Variants in CALN1 observed in about 807,000 individuals in gnomAD.
CALN1 encodes the protein calneuron 1, also known as calcium-binding protein 8.
In CALN1, 17 loss-of-function variants were observed where a neutral mutation model predicts 30.6. That is an observed-to-expected ratio of 0.56 (90% CI 0.38 to 0.83). CALN1 has a LOEUF of 0.83. Among genes scored for constraint, CALN1 ranks in the 40% least tolerant of loss-of-function variants. CALN1 has a pLI of 0.00. For synonymous variants in CALN1, 156 were observed against 131.4 expected, an observed-to-expected ratio of 1.19 and a Z score of -1.28; for missense variants, 291 against 354.9, an observed-to-expected ratio of 0.82 and a Z score of 1.45.
intron 3 of CALN1, among the ~76,000 whole-genome samples, chr7:72,234,866 T>C (rs1231481558): frequency 6.6e-6 from 1 of 152,192 alleles, no homozygotes; most frequent in Non-Finnish European, 1.5e-5. Flanking sequence ...TAATTATGGG[T>C]GGAAAGCAAT....
chr7:72,260,967 G>A (rs1170183233), intron 3 of CALN1, among the ~76,000 whole-genome samples: 1 of 152,102 alleles, frequency 6.6e-6, no homozygotes, highest in Non-Finnish European at 1.5e-5. Context: ...CACTGGATAC[G>A]AGCAGAGTAA....
intron 4 of CALN1, among the ~76,000 whole-genome samples, chr7:72,033,742 A>C (rs1292378261): frequency 3.3e-5 from 5 of 152,160 alleles, no homozygotes; most frequent in Non-Finnish European, 7.4e-5. Context: ...AGGCAGGCTG[A>C]GGGGCTCATC....
At chr7:72,415,900 C>G (rs755043623), upstream of CALN1, among the ~76,000 whole-genome samples, 7 of 152,204 alleles carry the variant, frequency 4.6e-5, no homozygotes, top group African/African-American at 7.2e-5. Context: ...GTGCCTGAGT[C>G]TGATCTGTTC....
rs1184592357 is a variant in CALN1 at position 72,334,250 on chromosome 7, T to TGC, written c.120-55442_120-55441dup. On this transcript the variant is annotated intron_variant, in intron 2 of 6. Transcript: ENST00000395275. ...GAATTTCTCTCGTAATGAGAACCAG[T>TGC]GCCCCCTTCTGACAACCAGCAAACA... 2.6e-5 allele frequency among the ~76,000 whole-genome samples: 4 copies of TGC among 152,268 alleles called. No homozygotes were observed. The East Asian group carries it at 7.7e-4, about 29-fold the overall frequency.
Position 72,070,126 on chromosome 7 carries a change from C to T in CALN1, c.388+36025G>A, listed in dbSNP as rs180712684. 9.0e-4 allele frequency among the ~76,000 whole-genome samples: 137 copies of T among 152,310 alleles called. No homozygotes were observed. The Middle Eastern group carries it at 0.017, about 19-fold the overall frequency. ...TAATTGCTTTAGGAAAAATCCTTGTCACTGCAAAGAAAACAGCCTCTCTGT... is the reference window on the plus strand; with the variant it reads ...TAATTGCTTTAGGAAAAATCCTTGTTACTGCAAAGAAAACAGCCTCTCTGT... On this transcript the variant is annotated intron_variant, in intron 4 of 6. Coordinates refer to ENST00000395275, the MANE Select transcript of CALN1 (RefSeq NM_031468.4).
At chr7:71,847,502 ACC>A (rs1156355192) in intron 5 of CALN1, among the ~76,000 whole-genome samples, 5 of 151,180 alleles carry the variant, frequency 3.3e-5, no homozygotes, top group African/African-American at 1.2e-4. Flanking sequence ...CAAAACCAAA[ACC>A]AAAACCAAAA....
chr7:72,383,918 AT>A (rs1805057962), intron 2 of CALN1, among the ~76,000 whole-genome samples: 1 of 152,190 alleles, frequency 6.6e-6, no homozygotes, highest in Admixed American at 6.5e-5. Context: ...TTACATAGGG[AT>A]ACATGTTGAC....
intron 3 of CALN1, among the ~76,000 whole-genome samples, chr7:72,200,166 G>A (rs1057028960): frequency 1.3e-5 from 2 of 152,216 alleles, no homozygotes; most frequent in African/African-American, 2.4e-5. Flanking sequence ...ATGAAATTGG[G>A]GGGAGTGGAG....
rs533973340 is a variant in CALN1, at chr7:72,219,841, T to C, written c.244+58845A>G. 1.2e-4 allele frequency among the ~76,000 whole-genome samples: 18 copies of C among 152,128 alleles called. No homozygotes were observed. In the South Asian group the frequency reaches 2.9e-3, roughly 25 times the overall value. On this transcript the variant is annotated intron_variant, in intron 3 of 6. Coordinates refer to ENST00000395275, the MANE Select transcript of CALN1 (RefSeq NM_031468.4). ...ATGGCTGAACTGTCAATAGGGTCAG[T>C]TCAAGAGACAAAATCCTGGAATGAA...
chr7:72,291,706 G>T (rs1398581805), intron 2 of CALN1, among the ~76,000 whole-genome samples: 1 of 151,976 alleles, frequency 6.6e-6, no homozygotes, highest in Non-Finnish European at 1.5e-5. Context: ...TCCACCTCCC[G>T]GGTTCAAGTG....
intron 3 of CALN1, among the ~76,000 whole-genome samples, chr7:72,203,809 A>G (rs552902036): frequency 6.6e-6 from 1 of 152,208 alleles, no homozygotes; most frequent in South Asian, 2.1e-4. Flanking sequence ...ATTGTTTAAT[A>G]ACATTTTTTT....
intron 4 of CALN1, among the ~76,000 whole-genome samples, chr7:72,093,123 A>T (rs911040487): frequency 2.0e-5 from 3 of 152,200 alleles, no homozygotes; most frequent in African/African-American, 7.2e-5. Context: ...CAATATATTT[A>T]AAAAATTCTT....
At chr7:72,234,061 C>G (rs1224095946) in intron 3 of CALN1, among the ~76,000 whole-genome samples, 1 of 151,838 alleles carries the variant, frequency 6.6e-6, no homozygotes. Flanking sequence ...AAAAGAGAAA[C>G]AAAGAGGAAA....
rs199622934 is a variant in CALN1 at position 72,401,884 on chromosome 7, T to TAC, written c.119+1365_119+1366dup. 6.3e-3 allele frequency among the ~76,000 whole-genome samples: 965 copies of TAC among 152,270 alleles called. 8 individuals are homozygous for TAC. Among genetic ancestry groups the TAC allele is most frequent in the South Asian group, 0.031 (149 of 4,816 alleles). The stretch of plus-strand genomic sequence containing the variant: ...CAAAATGTTTCTCTTACTCAATTCT[T>TAC]ACCTCCTTTTCTCAACATGCCCCAC... On this transcript the variant is annotated intron_variant, in intron 2 of 6. Transcript: ENST00000395275.
intron 4 of CALN1, among the ~76,000 whole-genome samples, chr7:72,067,477 T>G (rs1171069992): frequency 6.6e-6 from 1 of 152,114 alleles, no homozygotes; most frequent in African/African-American, 2.4e-5. Context: ...CTCAAACTCC[T>G]GGCCTCAAAT....
chr7:72,035,931 T>C (rs1801769183), intron 4 of CALN1, among the ~76,000 whole-genome samples: 1 of 152,230 alleles, frequency 6.6e-6, no homozygotes. Flanking sequence ...TGCACCTTTA[T>C]TGTGATCTTT....
chr7:72,339,651 AAAGAGGTTT>A (rs1168037829), intron 2 of CALN1, among the ~76,000 whole-genome samples: 1 of 152,244 alleles, frequency 6.6e-6, no homozygotes, highest in East Asian at 1.9e-4. Context: ...TATACAAAGG[AAAGAGGTTT>A]AATGGACTCA....
At chr7:72,299,712 A>T (rs1225273423) in intron 2 of CALN1, among the ~76,000 whole-genome samples, 2 of 142,782 alleles carry the variant, frequency 1.4e-5, no homozygotes, top group African/African-American at 5.3e-5. Flanking sequence ...TTTTTTTTTA[A>T]AAAGAGAGAC....
chr7:72,346,242 T>C lies in CALN1; in HGVS notation c.119+57009A>G, dbSNP rs181682219. 5.0e-3 allele frequency among the ~76,000 whole-genome samples: 755 copies of C among 152,322 alleles called. 4 individuals carry two copies. Among genetic ancestry groups the C allele is most frequent in the Non-Finnish European group, 8.7e-3 (594 of 68,020 alleles). ...ACATCAAACAGTTCCAAAAGGTCAA[T>C]TGCGCAAAATGGTGTTCTCTCTTTC... On this transcript the variant is annotated intron_variant, in intron 2 of 6. Transcript: ENST00000395275.
Sources: allele counts gnomAD v4.1 joint callset (sites outside exome capture counted in the v4.1 genomes callset), GRCh38; gene constraint gnomAD v4.1.1; transcripts MANE v1.5; gene names NCBI Gene and HGNC (gene_info 2026-07-23, HGNC 2026-07-21).